Variants in GPR155 observed in about 807,000 individuals in gnomAD.
GPR155 encodes lysosomal cholesterol signaling protein.
A neutral mutation model predicts 93.1 loss-of-function variants in GPR155; 65 were observed. That is an observed-to-expected ratio of 0.70 (90% CI 0.57 to 0.86). GPR155 has a LOEUF of 0.86. Among genes scored for constraint, GPR155 ranks in the 40% least tolerant of loss-of-function variants. The pLI, the probability that GPR155 is intolerant of heterozygous loss-of-function variation, is 0.00. For synonymous variants in GPR155, 319 were observed against 360.1 expected, an observed-to-expected ratio of 0.89 and a Z score of 1.29; for missense variants, 838 against 1,034.8, an observed-to-expected ratio of 0.81 and a Z score of 2.61.
Position 174,442,176 on chromosome 2 carries a change from A to G in GPR155, c.2117T>C (p.Ile706Thr). 7.4e-7 allele frequency: 1 copy of G among 1,350,292 alleles called. No homozygotes were observed. Among genetic ancestry groups the G allele is most frequent in the Non-Finnish European group, 1.1e-6 (1 of 941,514 alleles). 83.6% of individuals were successfully genotyped at this position (1,350,292 alleles called of 1,614,324 possible). A position where few individuals can be genotyped will look rare whatever the true frequency, so the allele number is the denominator to read the frequency against. Reference protein sequence around the residue: ...CAVFNFGQGFISFGIFGLDKH... With the variant: ...CAVFNFGQGFTSFGIFGLDKH... ...ATCTAATCCAAAGATTCCAAAGGAAATAAATCCCTAGGGAAGAAAACAAAG... is the reference window on the plus strand; with the variant it reads ...ATCTAATCCAAAGATTCCAAAGGAAGTAAATCCCTAGGGAAGAAAACAAAG... Residue 706 changes from isoleucine (I) to threonine (T), a missense_variant, in exon 14 of 16, where the codon ATT becomes ACT. By Grantham distance (89) the Ile-to-Thr change is moderately conservative (BLOSUM62 -1). Transcript: ENST00000392552.
chr2:174,483,603 A>G (rs1386580830), intron 1 of GPR155, among the ~76,000 whole-genome samples: 1 of 151,662 alleles, frequency 6.6e-6, no homozygotes, highest in African/African-American at 2.4e-5. Context: ...TTTTTTTTTC[A>G]GATGGAGTTT....
At position 174,470,526 on chromosome 2, in the gene GPR155, A is replaced by G. The variant is rs1388082109; in HGVS notation, c.890T>C (p.Met297Thr). ...LLVLPLLCRE[M>T]VELLDKGDSV... ...GTCGCCCTTGTCCAAGAGTTCCACC[A>G]TTTCTCTGCACAGAAGTGGCAGCAC... The change falls in exon 4 of 16, where the codon ATG (methionine) becomes ACG (threonine). Residue 297 changes from methionine (M) to threonine (T), a missense_variant. Met to Thr is a moderately conservative substitution (Grantham distance 81, BLOSUM62 -1). This residue lies in a region of GPR155 where 663 missense variants were observed against 790.1 expected (regional missense o/e 0.84). Transcript: ENST00000392552. 6.2e-7 allele frequency: 1 copy of G among 1,613,686 alleles called. No individual in the cohort carries two copies. Among genetic ancestry groups the G allele is most frequent in the Admixed American group, 1.7e-5 (1 of 59,986 alleles).
chr2:174,450,457 T>G (rs1461115715), intron 11 of GPR155, among the ~76,000 whole-genome samples: 1 of 152,140 alleles, frequency 6.6e-6, no homozygotes, highest in Non-Finnish European at 1.5e-5. Context: ...ACTGCACACG[T>G]ACCCACTGAA....
At position 174,438,803 on chromosome 2, in the gene GPR155, G is replaced by A. The variant is rs140323322; in HGVS notation, c.2312+1095C>T. Among the ~76,000 whole-genome samples, 47 of 152,216 alleles carry A rather than the reference G, an allele frequency of 3.1e-4. 1 individual carries two copies. In the East Asian group the frequency reaches 9.1e-3, roughly 29 times the overall value. ...ATTACAGGCATGAGCCAGCACGCCCGGCCCTAAAAAGCAGTTTTAAATTGT... is the reference window on the plus strand; with the variant it reads ...ATTACAGGCATGAGCCAGCACGCCCAGCCCTAAAAAGCAGTTTTAAATTGT... On this transcript the variant is annotated intron_variant, in intron 15 of 15. Transcript: ENST00000392552.
intron 13 of GPR155, among the ~76,000 whole-genome samples, chr2:174,444,411 G>A (rs1433527728): frequency 5.6e-5 from 7 of 125,998 alleles, no homozygotes; most frequent in South Asian, 2.6e-4. Context: ...GCGAAACTCC[G>A]TCTCAAAAAA....
intron 6 of GPR155, 149 bp downstream of exon 6, chr2:174,466,395 G>A (rs1015867300): frequency 1.1e-4 from 61 of 564,982 alleles, no homozygotes; most frequent in South Asian, 8.0e-4. Flanking sequence ...TATGTTAGGC[G>A]TATAGTAGTT....
chr2:174,483,710 C>G lies in GPR155; in HGVS notation c.-31-1723G>C, dbSNP rs759741433. 2.0e-5 allele frequency among the ~76,000 whole-genome samples: 3 copies of G among 151,986 alleles called. No homozygotes were observed. The East Asian group carries it at 5.8e-4, about 29-fold the overall frequency. On this transcript the variant is annotated intron_variant, in intron 1 of 15. Transcript: ENST00000392552. ...AGAGATTCTCCTGCCTTAGCCTTCCCGAGTAGCTGGGATTACAGGCATGCA... is the reference window on the plus strand; with the variant it reads ...AGAGATTCTCCTGCCTTAGCCTTCCGGAGTAGCTGGGATTACAGGCATGCA...
chr2:174,444,415 CAA>C (rs58572270), intron 13 of GPR155, among the ~76,000 whole-genome samples: 25 of 85,604 alleles, frequency 2.9e-4, no homozygotes, highest in Non-Finnish European at 3.0e-4. Context: ...AACTCCGTCT[CAA>C]AAAAAAAAAA....
In GPR155 at chr2:174,469,497, T is replaced by G. The variant is rs1687933195; in HGVS notation, c.1027-430A>C. On this transcript the variant is annotated intron_variant, in intron 4 of 15. Coordinates refer to ENST00000392552, the MANE Select transcript of GPR155 (RefSeq NM_152529.7). ...CAGAATTGACCTCCATTAAACAACT[T>G]AGTTCCTTTGTATTATATTTAAAAA... is the stretch of plus-strand genomic sequence containing the variant. Among the ~76,000 whole-genome samples, 5 of 152,236 alleles carry G rather than the reference T, an allele frequency of 3.3e-5. No homozygotes were observed. The South Asian group carries it at 1.0e-3, about 31-fold the overall frequency.
At chr2:174,471,051 T>A (rs2105725009) in intron 3 of GPR155, among the ~76,000 whole-genome samples, 1 of 151,072 alleles carries the variant, frequency 6.6e-6, no homozygotes, top group South Asian at 2.1e-4. Context: ...TTATCATGAT[T>A]AGGGGTTGAA....
At chr2:174,472,467 C>T (rs774126545) in intron 3 of GPR155, among the ~76,000 whole-genome samples, 4 of 152,122 alleles carry the variant, frequency 2.6e-5, no homozygotes, top group Non-Finnish European at 4.4e-5. Context: ...ATTTGGCAAG[C>T]CAGGATCATA....
At chr2:174,478,955 C>A (rs1266543318) in intron 2 of GPR155, among the ~76,000 whole-genome samples, 2 of 151,912 alleles carry the variant, frequency 1.3e-5, no homozygotes, top group Non-Finnish European at 2.9e-5. Flanking sequence ...CTACATCACA[C>A]CTTCCAACGT....
In GPR155 at chr2:174,481,534, A is replaced by G. The variant is rs1379214067; in HGVS notation, c.423T>C (p.Ala141=). ...CCAATGCAAAGTCATTACTTTGTGTAGCAAAAATAGGGAATAGTCCAGCTT... is the reference window on the plus strand; with the variant it reads ...CCAATGCAAAGTCATTACTTTGTGTGGCAAAAATAGGGAATAGTCCAGCTT... ...FSKAGLFPIF[A]TQSNDFALGY... The change falls in exon 2 of 16, where the codon GCT becomes GCC. Residue 141 remains alanine, a synonymous_variant. Coordinates refer to ENST00000392552, the MANE Select transcript of GPR155 (RefSeq NM_152529.7). 1 of 1,611,146 alleles carries G rather than the reference A, an allele frequency of 6.2e-7. No homozygotes were observed. The highest frequency in any genetic ancestry group is 2.2e-5 in the East Asian group (1 of 44,868).
chr2:174,482,248 C>T (rs1688347486), intron 1 of GPR155, among the ~76,000 whole-genome samples: 1 of 152,190 alleles, frequency 6.6e-6, no homozygotes, highest in Admixed American at 6.5e-5. Flanking sequence ...TTGCTAAGTT[C>T]TATACTCAGT....
rs1299964015 is a variant in GPR155 at position 174,431,656 on chromosome 2, T to C, written c.*4460A>G. ...TCTTGAAGAATGATGATAACATTTA[T>C]GATCCTGAACTTTTCTCCAGCCATC... is the stretch of plus-strand genomic sequence containing the variant. On this transcript the variant is annotated 3_prime_UTR_variant, in exon 16 of 16. Coordinates refer to ENST00000392552, the MANE Select transcript of GPR155 (RefSeq NM_152529.7). 1 of 152,240 alleles carries C rather than the reference T, an allele frequency of 6.6e-6. No individual in the cohort carries two copies. Among genetic ancestry groups the C allele is most frequent in the Admixed American group, 6.5e-5 (1 of 15,274 alleles). 9.4% of individuals were successfully genotyped at this position (152,240 alleles called of 1,614,324 possible). A position where few individuals can be genotyped will look rare whatever the true frequency, so the allele number is the denominator to read the frequency against.
At chr2:174,478,432 A>G (rs1041190018) in intron 2 of GPR155, among the ~76,000 whole-genome samples, 3 of 152,004 alleles carry the variant, frequency 2.0e-5, no homozygotes, top group Non-Finnish European at 4.4e-5. Context: ...GTTGTCCAGG[A>G]TGGTCTCAAA....
At chr2:174,468,822 G>T in intron 5 of GPR155, 90 bp downstream of exon 5, 1 of 1,086,624 alleles carries the variant, frequency 9.2e-7, no homozygotes, top group Non-Finnish European at 1.3e-6. Context: ...TATTTCATAA[G>T]AAACTAGATT....
chr2:174,460,875 A>C (rs190935049), intron 9 of GPR155, among the ~76,000 whole-genome samples: 1 of 152,334 alleles, frequency 6.6e-6, no homozygotes, highest in East Asian at 1.9e-4. Flanking sequence ...ACAAAAACAC[A>C]ATAAAATCCA....
In GPR155 at chr2:174,432,602, G is replaced by A. The variant is rs1009135235; in HGVS notation, c.*3514C>T. 1 of 152,116 alleles carries A rather than the reference G, an allele frequency of 6.6e-6. No homozygotes were observed. The highest frequency in any genetic ancestry group is 2.4e-5 in the African/African-American group (1 of 41,432). 9.4% of individuals were successfully genotyped at this position (152,116 alleles called of 1,614,324 possible). The stretch of plus-strand genomic sequence containing the variant: ...TTAGACTTACCCTTGAGCATTCAGA[G>A]TCATAATATGGTCTTATTAAAAAAG... On this transcript the variant is annotated 3_prime_UTR_variant, in exon 16 of 16. Transcript: ENST00000392552.
Sources: allele counts gnomAD v4.1 joint callset (sites outside exome capture counted in the v4.1 genomes callset), GRCh38; gene constraint gnomAD v4.1.1; regional missense constraint gnomAD v4.1.1; transcripts MANE v1.5; gene names NCBI Gene and HGNC (gene_info 2026-07-23, HGNC 2026-07-21).